UBP1: variants seen among roughly 807,000 people sequenced by gnomAD.
The protein encoded by UBP1 is upstream binding protein 1.
A neutral mutation model predicts 76.1 loss-of-function variants in UBP1; 22 were observed. That is an observed-to-expected ratio of 0.29 (90% CI 0.21 to 0.41). The LOEUF (loss-of-function observed/expected upper bound fraction) is 0.41, where lower values mean the gene tolerates loss of function less well. Among genes scored for constraint, UBP1 ranks in the 10% least tolerant of loss-of-function variants. UBP1 has a pLI of 1.00. For synonymous variants in UBP1, 224 were observed against 237.1 expected (o/e 0.94, Z 0.51); for missense variants, 436 against 668.1 (o/e 0.65, Z 3.83).
rs149049340 is a variant in UBP1 at position 33,403,931 on chromosome 3, C to T, written c.928-1027G>A. ...ATTTTACACAAGAAAGGCATCACAT[C>T]TAACTATAGCCCTGGGGTTTAAGAC... On this transcript the variant is annotated intron_variant, in intron 8 of 15. Transcript: ENST00000283629. Among the ~76,000 whole-genome samples the T allele has an allele frequency of 4.6e-3, 694 of 152,278 alleles. 4 individuals carry two copies. Among genetic ancestry groups the T allele is most frequent in the African/African-American group, 0.016 (649 of 41,540 alleles).
At chr3:33,392,738 A>G (rs1350870845) in intron 14 of UBP1, 124 bp from the exon 15 acceptor site, 2 of 869,578 alleles carry the variant, frequency 2.3e-6, no homozygotes, top group African/African-American at 3.4e-5. Flanking sequence ...ACGATAATTC[A>G]TGAAGGCAGT....
chr3:33,421,049 G>A (rs915651010), intron 2 of UBP1, among the ~76,000 whole-genome samples: 1 of 152,238 alleles, frequency 6.6e-6, no homozygotes, highest in African/African-American at 2.4e-5. Context: ...AAGGGGGTAA[G>A]ATCAGAAGTC....
chr3:33,392,757 G>C, intron 14 of UBP1, 143 bp from the exon 15 acceptor site: 1 of 708,450 alleles, frequency 1.4e-6, no homozygotes. Flanking sequence ...GTGTGAGGCA[G>C]CAAAGATGCA....
chr3:33,434,704 T>C (rs1050918212), intron 1 of UBP1, among the ~76,000 whole-genome samples: 4 of 146,276 alleles, frequency 2.7e-5, no homozygotes. Context: ...TTTTTTTTTT[T>C]TGAGATGGAG....
upstream of UBP1, chr3:33,440,496 C>A (rs1342495396): frequency 6.6e-6 from 1 of 152,112 alleles, no homozygotes; most frequent in Non-Finnish European, 1.5e-5. Flanking sequence ...CCACTCCCCG[C>A]GCCTCGCGGC....
chr3:33,411,471 C>G (rs1016549653), intron 5 of UBP1, 110 bp downstream of exon 5: 1 of 930,048 alleles, frequency 1.1e-6, no homozygotes, highest in Admixed American at 2.2e-5. Context: ...GACACTACAA[C>G]ATAGTTTATA....
At chr3:33,393,526 G>T (rs949830082) in intron 13 of UBP1, 72 bp from the exon 14 acceptor site, 1 of 1,480,116 alleles carries the variant, frequency 6.8e-7, no homozygotes. Context: ...TGATCTGTAG[G>T]ATCTGTACGA....
At chr3:33,396,943 A>G in intron 12 of UBP1, 102 bp downstream of exon 12, 1 of 1,036,082 alleles carries the variant, frequency 9.7e-7, no homozygotes, top group Non-Finnish European at 1.5e-6. Flanking sequence ...TGGCGCACAC[A>G]GGCACACACG....
chr3:33,441,061 A>C (rs1416301653), upstream of UBP1: 2 of 152,260 alleles, frequency 1.3e-5, no homozygotes, highest in Admixed American at 1.3e-4. Context: ...TCCTGAGTTG[A>C]ACTAGCTGTT....
At chr3:33,411,887 A>AT (rs138167498) in intron 4 of UBP1, among the ~76,000 whole-genome samples, 200 bp from the exon 5 acceptor site, 9 of 151,888 alleles carry the variant, frequency 5.9e-5, no homozygotes, top group South Asian at 2.1e-4. Flanking sequence ...TTTGTATTTC[A>AT]TTTTTTTTAA....
intron 7 of UBP1, among the ~76,000 whole-genome samples, 178 bp from the exon 8 acceptor site, chr3:33,408,975 A>C (rs775382598): frequency 2.6e-5 from 4 of 152,232 alleles, no homozygotes; most frequent in Admixed American, 1.3e-4. Context: ...CTCCAACTTA[A>C]GTCTCTTGCC....
chr3:33,440,553 T>C (rs1278947669), upstream of UBP1: 1 of 152,314 alleles, frequency 6.6e-6, no homozygotes, highest in East Asian at 1.9e-4. Context: ...CACGCGGCTG[T>C]TCCCAGCCGG....
At chr3:33,433,238 C>CT (rs2045143804) in intron 1 of UBP1, among the ~76,000 whole-genome samples, 1 of 150,116 alleles carries the variant, frequency 6.7e-6, no homozygotes. Context: ...TTTTTGTATT[C>CT]TTAGTAGAGA....
At chr3:33,392,476 A>C (rs1310958228) in intron 15 of UBP1, 87 bp downstream of exon 15, 1 of 1,132,564 alleles carries the variant, frequency 8.8e-7, no homozygotes, top group Non-Finnish European at 1.2e-6. Flanking sequence ...CAATCATTTT[A>C]AAGAATAAAC....
intron 1 of UBP1, among the ~76,000 whole-genome samples, chr3:33,434,582 C>G (rs760907446): frequency 1.3e-5 from 2 of 151,522 alleles, no homozygotes; most frequent in Admixed American, 6.6e-5. Flanking sequence ...CCACTGCGCT[C>G]GGTGACTCTA....
At chr3:33,419,367 C>A (rs1309902799) in intron 2 of UBP1, among the ~76,000 whole-genome samples, 1 of 152,150 alleles carries the variant, frequency 6.6e-6, no homozygotes, top group African/African-American at 2.4e-5. Flanking sequence ...CAGTGGCTCA[C>A]AATTGTAATC....
Position 33,408,663 on chromosome 3 carries a change from A to C in UBP1, c.927+27T>G, listed in dbSNP as rs762665468. 2 of 1,592,704 alleles carry C rather than the reference A, an allele frequency of 1.3e-6. 1 individual carries two copies. Among genetic ancestry groups the C allele is most frequent in the South Asian group, 2.3e-5 (2 of 88,786 alleles). On this transcript the variant is annotated intron_variant, in intron 8 of 15. Transcript: ENST00000283629. Reference sequence around the variant, plus strand: ...AACACTGCACAAGGTTTCTTGCACAATGAAAAGAGAAGCAGAAGTCCCTTA... The same window carrying C: ...AACACTGCACAAGGTTTCTTGCACACTGAAAAGAGAAGCAGAAGTCCCTTA...
chr3:33,405,152 T>C (rs1264308050), intron 8 of UBP1, among the ~76,000 whole-genome samples: 2 of 152,152 alleles, frequency 1.3e-5, no homozygotes, highest in Admixed American at 6.5e-5. Context: ...GTTTCATCAT[T>C]TGAAGCCTCA....
intron 13 of UBP1, 55 bp downstream of exon 13, chr3:33,396,107 C>T (rs754348862): frequency 2.4e-5 from 35 of 1,444,930 alleles, no homozygotes; most frequent in Middle Eastern, 2.0e-4. Context: ...GAGTCCTTTC[C>T]GTTTCTGTCT....
Sources: gnomAD v4.1 joint callset for allele counts (sites outside exome capture counted in the v4.1 genomes callset) on GRCh38, gnomAD v4.1.1 for gene constraint, MANE v1.5 for transcripts, NCBI Gene and HGNC (gene_info 2026-07-23, HGNC 2026-07-21) for gene names.